Variants in VPS13B observed in about 807,000 individuals in gnomAD.
VPS13B encodes the protein intermembrane lipid transfer protein VPS13B.
A neutral mutation model predicts 426.4 loss-of-function variants in VPS13B; 285 were observed. The ratio of observed to expected loss-of-function variants is 0.67; its 90% CI spans 0.61 to 0.74. The LOEUF is 0.74. Among genes scored for constraint, VPS13B ranks in the 30% least tolerant of loss-of-function variants. The pLI is 0.00. For missense variants in VPS13B, 4,537 were observed against 4,782.6 expected, an observed-to-expected ratio of 0.95 and a Z score of 1.51; for synonymous variants, 1,676 against 1,676.4, an observed-to-expected ratio of 1.00 and a Z score of 0.01.
At chr8:99,233,001 T>A in intron 17 of VPS13B, 1 of 798,328 alleles carries the variant, frequency 1.3e-6, no homozygotes, top group Non-Finnish European at 2.2e-6. Context: ...TGTCAGGTGT[T>A]GGAAGGGCTC....
At chr8:99,557,007 A>G (rs1282991809) in intron 31 of VPS13B, among the ~76,000 whole-genome samples, 1 of 152,118 alleles carries the variant, frequency 6.6e-6, no homozygotes, top group African/African-American at 2.4e-5. Context: ...TTTTGCTTAT[A>G]ATAACAAGAA....
At chr8:99,101,679 C>T (rs1347107895) in intron 4 of VPS13B, among the ~76,000 whole-genome samples, 1 of 152,174 alleles carries the variant, frequency 6.6e-6, no homozygotes, top group East Asian at 1.9e-4. Context: ...AACCTCGAAT[C>T]TAAGTTGTAT....
At chr8:99,607,697 C>T (rs1188545975) in intron 33 of VPS13B, among the ~76,000 whole-genome samples, 7 of 152,008 alleles carry the variant, frequency 4.6e-5, no homozygotes, top group Non-Finnish European at 8.8e-5. Context: ...ACTTGAGGAC[C>T]ACAGGGAACT....
intron 14 of VPS13B, among the ~76,000 whole-genome samples, chr8:99,152,313 T>G (rs1433081468): frequency 6.6e-6 from 1 of 152,218 alleles, no homozygotes; most frequent in Non-Finnish European, 1.5e-5. Context: ...ATTTTGACAT[T>G]TTTTAGTTAT....
intron 31 of VPS13B, among the ~76,000 whole-genome samples, chr8:99,560,804 T>C (rs1554846158): frequency 2.0e-5 from 3 of 152,242 alleles, no homozygotes; most frequent in Non-Finnish European, 4.4e-5. Context: ...CAAGCCTTCC[T>C]ATTCCTTATC....
chr8:99,376,997 A>T (rs887034333), intron 19 of VPS13B, among the ~76,000 whole-genome samples: 3 of 152,100 alleles, frequency 2.0e-5, no homozygotes, highest in African/African-American at 7.2e-5. Context: ...GTATTGAATT[A>T]AAATTATATA....
chr8:99,523,826 C>A (rs1207029945), intron 30 of VPS13B, among the ~76,000 whole-genome samples: 1 of 152,110 alleles, frequency 6.6e-6, no homozygotes, highest in Non-Finnish European at 1.5e-5. Flanking sequence ...CTTAAATGCC[C>A]AGACATCGAT....
intron 23 of VPS13B, among the ~76,000 whole-genome samples, chr8:99,466,454 T>C (rs1327369256): frequency 6.6e-6 from 1 of 152,140 alleles, no homozygotes; most frequent in Non-Finnish European, 1.5e-5. Flanking sequence ...ATAAAATTGA[T>C]ATCACCATAA....
chr8:99,176,302 A>G (rs997557433), intron 16 of VPS13B, among the ~76,000 whole-genome samples: 6 of 152,020 alleles, frequency 3.9e-5, no homozygotes, highest in African/African-American at 7.2e-5. Context: ...ACACCCAGCT[A>G]ATTTTTGTAT....
At chr8:99,597,325 C>G (rs1827068754) in intron 33 of VPS13B, among the ~76,000 whole-genome samples, 1 of 151,940 alleles carries the variant, frequency 6.6e-6, no homozygotes, top group Non-Finnish European at 1.5e-5. Context: ...AACTGTCTTT[C>G]CTGTAGTTAA....
At chr8:99,308,441 G>T (rs1035494805) in intron 19 of VPS13B, among the ~76,000 whole-genome samples, 2 of 151,840 alleles carry the variant, frequency 1.3e-5, no homozygotes, top group African/African-American at 4.8e-5. Context: ...TTGGTTTTTT[G>T]TCCTTGCGAT....
At chr8:99,586,493 G>A (rs34273034) in intron 33 of VPS13B, among the ~76,000 whole-genome samples, 20,796 of 152,072 alleles carry the variant, frequency 0.14, 1,969 homozygotes, top group East Asian at 0.39. Context: ...AACTAGTCTA[G>A]TCCTTCTTAA....
At chr8:99,558,770 T>TG (rs1352830169) in intron 31 of VPS13B, among the ~76,000 whole-genome samples, 1 of 152,232 alleles carries the variant, frequency 6.6e-6, no homozygotes, top group Non-Finnish European at 1.5e-5. Flanking sequence ...TAGTATTCCG[T>TG]GGGGTATATG....
At chr8:99,703,797 T>G (rs982446286) in intron 36 of VPS13B, among the ~76,000 whole-genome samples, 111 of 152,210 alleles carry the variant, frequency 7.3e-4, no homozygotes, top group African/African-American at 2.6e-3. Context: ...TAGCTCCCCT[T>G]GTCTGAGTAA....
intron 43 of VPS13B, among the ~76,000 whole-genome samples, chr8:99,794,763 T>C (rs148831051): frequency 1.3e-5 from 2 of 152,336 alleles, no homozygotes; most frequent in African/African-American, 4.8e-5. Context: ...TTTTTATTCT[T>C]ACTGAGGTTT....
chr8:99,263,706 T>G (rs1020768734), intron 17 of VPS13B, among the ~76,000 whole-genome samples: 2 of 152,228 alleles, frequency 1.3e-5, no homozygotes, highest in African/African-American at 4.8e-5. Context: ...TTACGTTGGG[T>G]TCACCTGAAT....
At chr8:99,478,302 CTGTTA>C (rs1417911331) in intron 24 of VPS13B, among the ~76,000 whole-genome samples, 2 of 151,060 alleles carry the variant, frequency 1.3e-5, no homozygotes, top group Non-Finnish European at 2.9e-5. Context: ...GTTTTTATTG[CTGTTA>C]TGTTGATCAG....
chr8:99,263,385 A>C (rs1228139684), intron 17 of VPS13B, among the ~76,000 whole-genome samples: 1 of 152,210 alleles, frequency 6.6e-6, no homozygotes, highest in Non-Finnish European at 1.5e-5. Context: ...CTGCTCTAAC[A>C]AATTACCATA....
chr8:99,156,481 A>T, intron 14 of VPS13B, 68 bp from the exon 15 acceptor site: 1 of 1,499,082 alleles, frequency 6.7e-7, no homozygotes, highest in Non-Finnish European at 9.2e-7. Flanking sequence ...TGAAGCTTGC[A>T]TAGAGGGAAC....
Sources: allele counts gnomAD v4.1 joint callset (sites outside exome capture counted in the v4.1 genomes callset), GRCh38; gene constraint gnomAD v4.1.1; transcripts MANE v1.5; gene names NCBI Gene and HGNC (gene_info 2026-07-23, HGNC 2026-07-21).